EXOC4: variants seen among roughly 807,000 people sequenced by gnomAD.
EXOC4 encodes the protein exocyst complex component 4.
EXOC4 carries 71 observed loss-of-function variants against 107.2 expected under a neutral mutation model. That is an observed-to-expected ratio of 0.66 (90% CI 0.55 to 0.81). The LOEUF is 0.81. EXOC4 is among the 30% of genes least tolerant of loss of function. The pLI is 0.00. For missense variants in EXOC4, 1,108 were observed against 1,189.6 expected, an observed-to-expected ratio of 0.93 and a Z score of 1.01; for synonymous variants, 456 against 441.2, an observed-to-expected ratio of 1.03 and a Z score of -0.42.
At chr7:133,416,807 G>C (rs910855241) in intron 7 of EXOC4, among the ~76,000 whole-genome samples, 1 of 152,202 alleles carries the variant, frequency 6.6e-6, no homozygotes, top group Admixed American at 6.5e-5. Context: ...TGCTTGCAGG[G>C]AGGGAAGCTA....
chr7:133,632,470 T>A (rs1269743573), intron 10 of EXOC4, among the ~76,000 whole-genome samples: 1 of 152,198 alleles, frequency 6.6e-6, no homozygotes, highest in Non-Finnish European at 1.5e-5. Flanking sequence ...AATTGCAACC[T>A]TGTCAAAAAC....
At chr7:133,881,740 CT>C (rs1461703466) in intron 11 of EXOC4, among the ~76,000 whole-genome samples, 3 of 152,148 alleles carry the variant, frequency 2.0e-5, no homozygotes, top group African/African-American at 7.2e-5. Flanking sequence ...CCCCAAACAA[CT>C]TCCTATCCTC....
intron 10 of EXOC4, 27 bp downstream of exon 10, chr7:133,630,168 C>T: frequency 6.7e-7 from 1 of 1,499,830 alleles, no homozygotes; most frequent in Non-Finnish European, 9.3e-7. Flanking sequence ...GATATACTTA[C>T]TGAAGATCAA....
intron 11 of EXOC4, among the ~76,000 whole-genome samples, chr7:133,850,641 C>A (rs1798222681): frequency 6.7e-6 from 1 of 148,540 alleles, no homozygotes; most frequent in Non-Finnish European, 1.5e-5. Context: ...GTTACCCCCC[C>A]ACACACACAC....
chr7:133,314,657 T>C (rs1435907553), intron 4 of EXOC4, among the ~76,000 whole-genome samples: 1 of 152,200 alleles, frequency 6.6e-6, no homozygotes, highest in Non-Finnish European at 1.5e-5. Context: ...TTCATAGAAG[T>C]GTGTACTATG....
the EXOC4 span, among the ~76,000 whole-genome samples, chr7:134,086,964 A>G: frequency 6.6e-6 from 1 of 152,194 alleles, no homozygotes; most frequent in African/African-American, 2.4e-5. Context: ...GAGGACGACC[A>G]GAAGTCACTC....
chr7:133,607,181 C>T (rs1801968605), intron 9 of EXOC4, among the ~76,000 whole-genome samples: 1 of 152,174 alleles, frequency 6.6e-6, no homozygotes, highest in Admixed American at 6.5e-5. Context: ...TAATCAGGCT[C>T]CTGCCATACG....
At chr7:133,675,282 G>A (rs1238267961) in intron 10 of EXOC4, among the ~76,000 whole-genome samples, 10 of 152,112 alleles carry the variant, frequency 6.6e-5, no homozygotes, top group East Asian at 1.9e-4. Flanking sequence ...AAGCCAGGAC[G>A]TCTGTGTGGC....
intron 10 of EXOC4, among the ~76,000 whole-genome samples, chr7:133,770,555 G>A (rs1440378220): frequency 6.6e-6 from 1 of 151,972 alleles, no homozygotes. Flanking sequence ...TTCAGCAAGT[G>A]TGCTTTTGCT....
intron 14 of EXOC4, among the ~76,000 whole-genome samples, chr7:133,967,233 C>T (rs775485962): frequency 4.6e-5 from 7 of 152,012 alleles, no homozygotes; most frequent in Non-Finnish European, 8.8e-5. Context: ...GTCTGGCTAG[C>T]GGTCTATCTA....
intron 6 of EXOC4, among the ~76,000 whole-genome samples, chr7:133,359,968 CTTACTA>C (rs1279650122): frequency 6.6e-6 from 1 of 152,152 alleles, no homozygotes; most frequent in East Asian, 1.9e-4. Context: ...TAAGCCTCCA[CTTACTA>C]TTAAATGAAA....
intron 10 of EXOC4, among the ~76,000 whole-genome samples, chr7:133,679,231 G>A (rs1794132042): frequency 6.6e-6 from 1 of 152,122 alleles, no homozygotes; most frequent in South Asian, 2.1e-4. Context: ...AAGTGAATGT[G>A]CCATTTTGAA....
At chr7:134,032,635 T>G (rs1360926169) in intron 17 of EXOC4, among the ~76,000 whole-genome samples, 1 of 152,232 alleles carries the variant, frequency 6.6e-6, no homozygotes, top group Non-Finnish European at 1.5e-5. Context: ...CAGAAGCAGC[T>G]GGGCCTCTCA....
chr7:133,913,121 A>G (rs1799733164), intron 12 of EXOC4, among the ~76,000 whole-genome samples: 1 of 152,220 alleles, frequency 6.6e-6, no homozygotes, highest in Non-Finnish European at 1.5e-5. Context: ...ACAGGAAATA[A>G]TAGATCCCAT....
intron 7 of EXOC4, among the ~76,000 whole-genome samples, chr7:133,469,703 C>T (rs1181588870): frequency 6.6e-6 from 1 of 152,116 alleles, no homozygotes; most frequent in African/African-American, 2.4e-5. Context: ...AATCTTTGAC[C>T]CTATCAGCAA....
At chr7:133,698,139 A>G (rs1160745254) in intron 10 of EXOC4, among the ~76,000 whole-genome samples, 2 of 151,134 alleles carry the variant, frequency 1.3e-5, no homozygotes, top group African/African-American at 4.9e-5. Flanking sequence ...ATGTTGATTT[A>G]TGTGTGTGAC....
At chr7:133,990,458 G>A (rs1400585775) in intron 14 of EXOC4, among the ~76,000 whole-genome samples, 1 of 151,978 alleles carries the variant, frequency 6.6e-6, no homozygotes. Flanking sequence ...TATTCTTTTT[G>A]TTTGTTTTTG....
chr7:133,814,224 G>T (rs949589663), intron 10 of EXOC4, among the ~76,000 whole-genome samples: 2 of 151,796 alleles, frequency 1.3e-5, no homozygotes, highest in Non-Finnish European at 2.9e-5. Flanking sequence ...TAAACAAATG[G>T]GTATATAATT....
intron 7 of EXOC4, among the ~76,000 whole-genome samples, chr7:133,387,952 C>A (rs1796765019): frequency 6.6e-6 from 1 of 151,446 alleles, no homozygotes; most frequent in Non-Finnish European, 1.5e-5. Context: ...ACTATAAAGA[C>A]CTGGGGGAGA....
Sources: gnomAD v4.1 joint callset for allele counts (sites outside exome capture counted in the v4.1 genomes callset) on GRCh38, gnomAD v4.1.1 for gene constraint, MANE v1.5 for transcripts, NCBI Gene and HGNC (gene_info 2026-07-23, HGNC 2026-07-21) for gene names.